Variants in NECAB2 observed in about 807,000 individuals in gnomAD.
NECAB2 encodes N-terminal EF-hand calcium-binding protein 2.
Under a neutral mutation model 51.9 loss-of-function variants are expected in NECAB2, and 68 were observed. The observed-to-expected ratio is 1.31, with a 90% confidence interval of 1.08 to 1.60. NECAB2 has a LOEUF of 1.60. Among genes scored for constraint, NECAB2 ranks in the 40% most tolerant of loss-of-function variants. The pLI, the probability that NECAB2 is intolerant of heterozygous loss-of-function variation, is 0.00. For missense variants in NECAB2, 854 were observed against 490.3 expected (o/e 1.74, Z -7.00); for synonymous variants, 329 against 203.5 (o/e 1.62, Z -5.25).
intron 3 of NECAB2, among the ~76,000 whole-genome samples, chr16:83,980,559 C>T (rs1484970106): frequency 6.6e-6 from 1 of 152,142 alleles, no homozygotes; most frequent in Admixed American, 6.5e-5. Flanking sequence ...TCCTGGCCCC[C>T]AGCTTGGCCC....
At chr16:83,992,376 G>GCCC (rs1555548083) in intron 6 of NECAB2, among the ~76,000 whole-genome samples, 4 of 109,744 alleles carry the variant, frequency 3.6e-5, no homozygotes, top group African/African-American at 2.2e-4. Flanking sequence ...ACGAGCACCC[G>GCCC]TCCCCCCGCC....
chr16:83,987,957 A>C (rs930643183), intron 5 of NECAB2, among the ~76,000 whole-genome samples: 7 of 152,236 alleles, frequency 4.6e-5, no homozygotes, highest in Non-Finnish European at 1.0e-4. Context: ...TCTTTGTTAT[A>C]ACTTTATGCC....
chr16:83,968,786 C>G lies in NECAB2; in HGVS notation c.138C>G (p.Ala46=), dbSNP rs1202539088. ...TGGGCGAGCCCCGGGAGTCGCTGGC[C>G]CCCGCCGCCCCCGCGGACCCCGGCC... ...ARMGEPRESL[A]PAAPADPGPA... Residue 46 remains alanine (A), a synonymous_variant, in exon 1 of 13, where the codon GCC becomes GCG. Transcript: ENST00000305202. 4.5e-6 allele frequency: 5 copies of G among 1,114,226 alleles called. No individual in the cohort carries two copies. In the African/African-American group the frequency reaches 5.0e-5, roughly 11 times the overall value. The allele number at this position is 1,114,226 out of a possible 1,614,324, so 69.0% of individuals were successfully genotyped here. A position where few individuals can be genotyped will look rare whatever the true frequency, so the allele number is the denominator to read the frequency against.
At chr16:84,002,271 T>A in intron 12 of NECAB2, 47 bp from the exon 13 acceptor site, 1 of 1,605,946 alleles carries the variant, frequency 6.2e-7, no homozygotes, top group Non-Finnish European at 8.5e-7. Context: ...GCTACGAGGC[T>A]GCCCACATTC....
At chr16:83,965,885 C>A (rs200722740), upstream of NECAB2, 209 of 1,612,870 alleles carry the variant, frequency 1.3e-4, no homozygotes, top group Non-Finnish European at 1.7e-4. Flanking sequence ...CCAGAGCACC[C>A]GCCAGGAGGG....
At chr16:83,972,291 G>T in intron 2 of NECAB2, 116 bp downstream of exon 2, 1 of 1,466,066 alleles carries the variant, frequency 6.8e-7, no homozygotes, top group African/African-American at 1.4e-5. Context: ...TTGGAGTGCA[G>T]GGGTCTGAAG....
chr16:83,978,633 A>C, intron 3 of NECAB2, 81 bp downstream of exon 3: 1 of 1,243,684 alleles, frequency 8.0e-7, no homozygotes, highest in Non-Finnish European at 1.2e-6. Flanking sequence ...GTCCGTTCCT[A>C]GTCCCCTGTA....
chr16:83,971,921 G>A (rs1597193058), intron 1 of NECAB2: 2 of 608,074 alleles, frequency 3.3e-6, no homozygotes, highest in East Asian at 5.5e-5. Flanking sequence ...CAGGCTGGTG[G>A]TACTGGCAGC....
At chr16:83,997,561 T>C (rs146767889) in intron 9 of NECAB2, among the ~76,000 whole-genome samples, 3,353 of 142,978 alleles carry the variant, frequency 0.023, 38 homozygotes, top group Non-Finnish European at 0.027. Flanking sequence ...GATGTCGGCT[T>C]ACTGCAACCT....
At chr16:83,985,836 G>C (rs75244824) in intron 5 of NECAB2, among the ~76,000 whole-genome samples, 1,821 of 152,008 alleles carry the variant, frequency 0.012, 41 homozygotes, top group African/African-American at 0.042. Context: ...ATTTGTGTTT[G>C]TTTTTGTAAC....
intron 1 of NECAB2, among the ~76,000 whole-genome samples, chr16:83,970,858 C>T (rs915162889): frequency 1.2e-4 from 19 of 152,078 alleles, no homozygotes; most frequent in Non-Finnish European, 2.9e-5. Context: ...TTTGGGAGGC[C>T]GAGGCGGGTG....
At position 84,000,763 on chromosome 16, in the gene NECAB2, C is replaced by T. The variant is rs780615561; in HGVS notation, c.1002C>T (p.Val334=). The change falls in exon 11 of 13, where the codon GTC becomes GTT. Residue 334 remains valine, a synonymous_variant. Transcript: ENST00000305202. ...GGCTCTCAGATGGCTTCACCTTTGT[C>T]ATCTATGAGTTCTGGGAGACAGAGG... The part of the protein sequence containing the change: ...AVRLSDGFTF[V]IYEFWETEEA... The T allele has an allele frequency of 1.9e-6, 3 of 1,613,750 alleles. No individual in the cohort carries two copies. The African/African-American group carries it at 4.0e-5, about 22-fold the overall frequency.
chr16:83,996,397 C>T (rs1020665318), intron 8 of NECAB2, among the ~76,000 whole-genome samples: 6 of 152,184 alleles, frequency 3.9e-5, no homozygotes, highest in Admixed American at 2.0e-4. Context: ...CTTGCTCAAA[C>T]ATTTAGAACG....
intron 5 of NECAB2, among the ~76,000 whole-genome samples, chr16:83,984,326 A>G (rs117568839): frequency 0.012 from 1,819 of 152,120 alleles, 18 homozygotes; most frequent in South Asian, 0.02. Flanking sequence ...CCCTGGGCAT[A>G]GTCGTTTTTA....
At chr16:83,993,606 C>T (rs1046303393) in intron 6 of NECAB2, 6 of 152,880 alleles carry the variant, frequency 3.9e-5, no homozygotes, top group Non-Finnish European at 7.2e-5. Context: ...GTGCTGGACA[C>T]AGTGCAAGGT....
chr16:83,995,076 G>A (rs911827519), intron 8 of NECAB2, among the ~76,000 whole-genome samples: 5 of 152,336 alleles, frequency 3.3e-5, no homozygotes, highest in Admixed American at 1.3e-4. Flanking sequence ...AAAGAGAGAC[G>A]TGATGATTCG....
At chr16:83,969,983 G>GTTCA in intron 1 of NECAB2, among the ~76,000 whole-genome samples, 1 of 152,146 alleles carries the variant, frequency 6.6e-6, no homozygotes, top group Admixed American at 6.5e-5. Flanking sequence ...ACACTCGCAG[G>GTTCA]CACACATTCA....
intron 2 of NECAB2, among the ~76,000 whole-genome samples, chr16:83,974,818 T>TCAAG (rs1210488966): frequency 6.6e-6 from 1 of 151,166 alleles, no homozygotes; most frequent in African/African-American, 2.4e-5. Flanking sequence ...AGTGTAGGGG[T>TCAAG]GAGAATAGGT....
chr16:84,000,677 C>A, intron 10 of NECAB2, 47 bp from the exon 11 acceptor site: 1 of 1,575,988 alleles, frequency 6.3e-7, no homozygotes, highest in South Asian at 1.1e-5. Context: ...ACTGAGGTGG[C>A]CTTGGTTGAG....
Sources: gnomAD v4.1 joint callset for allele counts (sites outside exome capture counted in the v4.1 genomes callset) on GRCh38, gnomAD v4.1.1 for gene constraint, MANE v1.5 for transcripts, NCBI Gene and HGNC (gene_info 2026-07-23, HGNC 2026-07-21) for gene names.